CDH3: variants seen among roughly 807,000 people sequenced by gnomAD.
CDH3 encodes the protein cadherin 3.
Under a neutral mutation model 82.0 loss-of-function variants are expected in CDH3, and 54 were observed. That is an observed-to-expected ratio of 0.66 (90% CI 0.53 to 0.83). The LOEUF is 0.83. CDH3 is among the 40% of genes least tolerant of loss of function. The pLI, the probability that CDH3 is intolerant of heterozygous loss-of-function variation, is 0.00. For synonymous variants in CDH3, 446 were observed against 437.9 expected, an observed-to-expected ratio of 1.02 and a Z score of -0.23; for missense variants, 1,054 against 1,084.6, an observed-to-expected ratio of 0.97 and a Z score of 0.40.
intron 6 of CDH3, 85 bp from the exon 7 acceptor site, chr16:68,679,714 A>G (rs1441661543): frequency 5.3e-5 from 43 of 806,086 alleles, no homozygotes; most frequent in Middle Eastern, 3.4e-4. Context: ...AAAAAAAAAA[A>G]AAAAGAAAAG....
At chr16:68,645,852 C>A (rs1269802000) in intron 2 of CDH3, 102 bp downstream of exon 2, 19 of 867,334 alleles carry the variant, frequency 2.2e-5, no homozygotes, top group Non-Finnish European at 3.2e-5. Flanking sequence ...ACTCCTGGCG[C>A]CACCTCAGTT....
chr16:68,653,242 TTTTATTTTA>T (rs1960300301), intron 2 of CDH3, among the ~76,000 whole-genome samples: 1 of 140,110 alleles, frequency 7.1e-6, no homozygotes, highest in Non-Finnish European at 1.6e-5. Context: ...TTTTATTTTA[TTTTATTTTA>T]TTTTTGAGAC....
intron 1 of CDH3, among the ~76,000 whole-genome samples, chr16:68,708,990 A>C (rs2152109738): frequency 6.6e-6 from 1 of 151,782 alleles, no homozygotes; most frequent in African/African-American, 2.4e-5. Context: ...TGTTGACCAG[A>C]CTGGTCTCAA....
intron 2 of CDH3, among the ~76,000 whole-genome samples, chr16:68,652,898 T>C (rs1960290163): frequency 6.6e-6 from 1 of 152,260 alleles, no homozygotes; most frequent in African/African-American, 2.4e-5. Flanking sequence ...TCTCATTGTA[T>C]AGTATTTCAT....
chr16:68,680,834 C>T, intron 7 of CDH3, 134 bp from the exon 8 acceptor site: 1 of 972,134 alleles, frequency 1.0e-6, no homozygotes, highest in Non-Finnish European at 1.6e-6. Context: ...GAGGGGTGGT[C>T]AAGGAGTCAG....
chr16:68,708,922 TG>T (rs761587549), intron 1 of CDH3, among the ~76,000 whole-genome samples: 3 of 151,476 alleles, frequency 2.0e-5, no homozygotes, highest in Admixed American at 6.6e-5. Context: ...GGATTACAGG[TG>T]TGAGCTACCA....
Position 68,695,779 on chromosome 16 carries a change from C to T in CDH3, c.2136C>T (p.Asp712=), listed in dbSNP as rs1164727512. The change falls in exon 15 of 16, where the codon GAC becomes GAT. Residue 712 remains aspartate (D), a splice_region_variant and synonymous_variant. Coordinates refer to ENST00000264012, the MANE Select transcript of CDH3 (RefSeq NM_001793.6). ...TGCTCTCCTGCATTTCCCCACAGGACTATGACATCACCCAGCTCCACCGAG... is the reference window on the plus strand; with the variant it reads ...TGCTCTCCTGCATTTCCCCACAGGATTATGACATCACCCAGCTCCACCGAG... The part of the protein sequence containing the change: ...GEEGGGEEDQ[D]YDITQLHRGL... The T allele has an allele frequency of 3.1e-6, 5 of 1,613,942 alleles. No individual in the cohort carries two copies. The highest frequency in any genetic ancestry group is 2.5e-6 in the Non-Finnish European group (3 of 1,180,008).
intron 2 of CDH3, among the ~76,000 whole-genome samples, chr16:68,671,272 C>A (rs1469711855): frequency 1.3e-5 from 2 of 151,616 alleles, no homozygotes; most frequent in African/African-American, 4.8e-5. Flanking sequence ...ACTACAGGTG[C>A]CTGCCACCAT....
At chr16:68,706,118 A>G (rs1475461994) in intron 1 of CDH3, among the ~76,000 whole-genome samples, 3 of 151,334 alleles carry the variant, frequency 2.0e-5, no homozygotes, top group Non-Finnish European at 2.9e-5. Context: ...GCAGGTAGAT[A>G]TATGTGTAGG....
chr16:68,647,623 A>G (rs115630680), intron 2 of CDH3, among the ~76,000 whole-genome samples: 1 of 152,134 alleles, frequency 6.6e-6, no homozygotes, highest in Admixed American at 6.5e-5. Context: ...GCTGGGTCTT[A>G]GAGTAGGCTT....
intron 15 of CDH3, chr16:68,696,500 C>A: frequency 5.4e-6 from 1 of 184,838 alleles, no homozygotes; most frequent in East Asian, 1.3e-4. Flanking sequence ...CCAAGGTGGG[C>A]AGATCACTTG....
At chr16:68,725,125 C>T (rs1962205258) in intron 2 of CDH3, among the ~76,000 whole-genome samples, 1 of 152,098 alleles carries the variant, frequency 6.6e-6, no homozygotes, top group Admixed American at 6.6e-5. Flanking sequence ...GGTATCTGAG[C>T]AGTGGGAGGA....
At chr16:68,674,872 T>C (rs1960985723) in intron 2 of CDH3, among the ~76,000 whole-genome samples, 4 of 152,232 alleles carry the variant, frequency 2.6e-5, no homozygotes, top group Non-Finnish European at 5.9e-5. Context: ...CCCAGCATTC[T>C]GGGAGGCCGA....
chr16:68,704,046 G>A, downstream of CDH3, among the ~76,000 whole-genome samples: 1 of 152,152 alleles, frequency 6.6e-6, no homozygotes. Flanking sequence ...CAGCAATTTG[G>A]GAGGCCGAGG....
chr16:68,709,787 C>T (rs1038335432), intron 1 of CDH3, among the ~76,000 whole-genome samples: 1 of 152,190 alleles, frequency 6.6e-6, no homozygotes, highest in African/African-American at 2.4e-5. Flanking sequence ...GCACCATCAT[C>T]AGCCCAGCTG....
chr16:68,686,627 G>C (rs1961420722), intron 11 of CDH3: 1 of 1,037,896 alleles, frequency 9.6e-7, no homozygotes, highest in South Asian at 1.3e-5. Context: ...AGTAGTTCTA[G>C]ATGACAAGGA....
chr16:68,689,194 C>T (rs993539449), intron 12 of CDH3, among the ~76,000 whole-genome samples: 1 of 152,154 alleles, frequency 6.6e-6, no homozygotes, highest in African/African-American at 2.4e-5. Flanking sequence ...GCAGTTCCCA[C>T]CTCTTAAAGC....
intron 1 of CDH3, among the ~76,000 whole-genome samples, chr16:68,715,429 A>AAAAAAAAAAAG (rs1962083154): frequency 6.6e-6 from 1 of 151,974 alleles, no homozygotes; most frequent in Non-Finnish European, 1.5e-5. Flanking sequence ...TCTCAAAAAA[A>AAAAAAAAAAAG]AAAGAAAGGA....
downstream of CDH3, among the ~76,000 whole-genome samples, chr16:68,703,359 G>T (rs1352168406): frequency 1.3e-5 from 2 of 152,208 alleles, no homozygotes; most frequent in African/African-American, 2.4e-5. Flanking sequence ...CCAGCCCGGG[G>T]ACTGCTGGGG....
Sources: gnomAD v4.1 joint callset for allele counts (sites outside exome capture counted in the v4.1 genomes callset) on GRCh38, gnomAD v4.1.1 for gene constraint, MANE v1.5 for transcripts, NCBI Gene and HGNC (gene_info 2026-07-23, HGNC 2026-07-21) for gene names.